The following GRAMD1B variants were observed in gnomAD, a reference collection of about 807,000 sequenced individuals.
GRAMD1B encodes GRAM domain containing 1B, also known as protein Aster-B.
In GRAMD1B, 37 loss-of-function variants were observed where a neutral mutation model predicts 99.7. That is an observed-to-expected ratio of 0.37 (90% CI 0.29 to 0.49). The LOEUF (loss-of-function observed/expected upper bound fraction) is 0.49. GRAMD1B is among the 20% of genes least tolerant of loss of function. The pLI is 0.98. For synonymous variants in GRAMD1B, 427 were observed against 387.6 expected, an observed-to-expected ratio of 1.10 and a Z score of -1.19; for missense variants, 888 against 1,009.2, an observed-to-expected ratio of 0.88 and a Z score of 1.63.
At position 123,372,837 on chromosome 11, in the gene GRAMD1B, G is replaced by A. The variant is rs570081250; in HGVS notation, c.-176+14038G>A. ...TCTCTGTTAACAGGCAGAGATTTGT[G>A]TTAATAATTGAGAGCTCTCTGGCTG... is the stretch of plus-strand genomic sequence containing the variant. On this transcript the variant is annotated intron_variant, in intron 1 of 20. Coordinates refer to the GRAMD1B transcript ENST00000638157. 2.7e-3 allele frequency among the ~76,000 whole-genome samples: 415 copies of A among 152,270 alleles called. 3 individuals carry two copies. Among genetic ancestry groups the A allele is most frequent in the African/African-American group, 9.6e-3 (397 of 41,564 alleles).
chr11:123,417,022 A>G (rs536314542), intron 1 of GRAMD1B, among the ~76,000 whole-genome samples: 1 of 152,360 alleles, frequency 6.6e-6, no homozygotes, highest in African/African-American at 2.4e-5. Context: ...TGGGAGACGA[A>G]GTAACTATCA....
At chr11:123,464,809 C>T (rs776092487) in intron 1 of GRAMD1B, among the ~76,000 whole-genome samples, 2 of 152,004 alleles carry the variant, frequency 1.3e-5, no homozygotes, top group African/African-American at 2.4e-5. Flanking sequence ...AGTGATAGAT[C>T]GAAGGTAGGG....
chr11:123,555,375 G>T (rs1211891607), intron 2 of GRAMD1B, among the ~76,000 whole-genome samples: 1 of 152,164 alleles, frequency 6.6e-6, no homozygotes, highest in East Asian at 1.9e-4. Context: ...TTGAGACAGA[G>T]TCTCACTCTG....
chr11:123,524,328 A>G (rs1942481049), intron 2 of GRAMD1B, among the ~76,000 whole-genome samples: 1 of 145,632 alleles, frequency 6.9e-6, no homozygotes, highest in African/African-American at 2.7e-5. Context: ...TTTTTATTTT[A>G]TTTTATTTTA....
intron 1 of GRAMD1B, among the ~76,000 whole-genome samples, chr11:123,368,541 G>A (rs1415797144): frequency 2.0e-5 from 3 of 151,652 alleles, no homozygotes; most frequent in Non-Finnish European, 2.9e-5. Flanking sequence ...TTAGCTGGAC[G>A]TTGTGGTGTG....
chr11:123,436,555 A>C (rs1441893726), intron 1 of GRAMD1B, among the ~76,000 whole-genome samples: 8 of 152,204 alleles, frequency 5.3e-5, no homozygotes, highest in African/African-American at 1.9e-4. Flanking sequence ...GGCAAAGTGA[A>C]GTCAATTCAA....
At chr11:123,371,502 G>A (rs749964238) in intron 1 of GRAMD1B, among the ~76,000 whole-genome samples, 21 of 152,118 alleles carry the variant, frequency 1.4e-4, no homozygotes, top group Admixed American at 9.2e-4. Flanking sequence ...CCAGAGGACA[G>A]TTCCTATCTC....
chr11:123,464,984 C>T (rs1456457721), intron 1 of GRAMD1B, among the ~76,000 whole-genome samples: 2 of 151,910 alleles, frequency 1.3e-5, no homozygotes, highest in Non-Finnish European at 2.9e-5. Context: ...ACAGGCTGTG[C>T]GATGAGCCTA....
At position 123,360,041 on chromosome 11, in the gene GRAMD1B, T is replaced by C. The variant is rs568322451; in HGVS notation, c.-176+1242T>C. Among the ~76,000 whole-genome samples, 3 of 152,322 alleles carry C rather than the reference T, an allele frequency of 2.0e-5. No homozygotes were observed. In the South Asian group the frequency reaches 6.2e-4, roughly 32 times the overall value. On this transcript the variant is annotated intron_variant, in intron 1 of 20. Coordinates refer to the GRAMD1B transcript ENST00000638157. ...AATAGTAGAAATAGGCTGAAAATGC[T>C]ACATTTCTACACACTACCCCAAGGT... is the stretch of plus-strand genomic sequence containing the variant.
intron 3 of GRAMD1B, among the ~76,000 whole-genome samples, chr11:123,577,854 G>T (rs548762310): frequency 2.6e-5 from 4 of 152,112 alleles, no homozygotes; most frequent in African/African-American, 9.6e-5. Flanking sequence ...GAATCATTAG[G>T]GGGTCATCTG....
chr11:123,462,455 C>T (rs1021754513), intron 1 of GRAMD1B, among the ~76,000 whole-genome samples: 8 of 152,272 alleles, frequency 5.3e-5, no homozygotes, highest in South Asian at 4.1e-4. Context: ...AAAGCAGAGA[C>T]GGCTGACACT....
chr11:123,578,479 C>G, intron 3 of GRAMD1B: 1 of 1,338,100 alleles, frequency 7.5e-7, no homozygotes, highest in East Asian at 2.5e-5. Flanking sequence ...TAGTGTCGAT[C>G]TGTCTGTAGT....
intron 2 of GRAMD1B, among the ~76,000 whole-genome samples, chr11:123,503,497 G>A (rs1448367448): frequency 2.6e-5 from 4 of 151,772 alleles, no homozygotes; most frequent in South Asian, 2.1e-4. Flanking sequence ...TTTAGTTAAC[G>A]TTGATTGAAT....
intron 1 of GRAMD1B, among the ~76,000 whole-genome samples, chr11:123,455,905 C>T (rs766543158): frequency 1.3e-5 from 2 of 152,140 alleles, no homozygotes; most frequent in Non-Finnish European, 2.9e-5. Context: ...TGGGGTGGCT[C>T]GCTCCTGTAG....
intron 2 of GRAMD1B, among the ~76,000 whole-genome samples, chr11:123,527,147 C>G (rs981668760): frequency 1.3e-5 from 2 of 152,128 alleles, no homozygotes; most frequent in Non-Finnish European, 2.9e-5. Context: ...AAGGATGAGT[C>G]CTGCCTTCAT....
At chr11:123,460,416 C>T (rs1565517194) in intron 1 of GRAMD1B, 1 of 152,020 alleles carries the variant, frequency 6.6e-6, no homozygotes, top group Non-Finnish European at 1.5e-5. Context: ...CAGTGGGTTC[C>T]GGGACTGAAC....
chr11:123,494,384 G>A (rs192184675), intron 2 of GRAMD1B, among the ~76,000 whole-genome samples: 1 of 150,986 alleles, frequency 6.6e-6, no homozygotes, highest in African/African-American at 2.4e-5. Context: ...ATGCTTAGGG[G>A]GTCACATGGT....
intron 2 of GRAMD1B, among the ~76,000 whole-genome samples, chr11:123,572,774 G>T (rs1398050990): frequency 6.6e-6 from 1 of 150,686 alleles, no homozygotes; most frequent in Non-Finnish European, 1.5e-5. Context: ...CAGAGGCGCA[G>T]GTAGGCCCCG....
chr11:123,521,493 C>G (rs994796159), intron 2 of GRAMD1B, among the ~76,000 whole-genome samples: 3 of 152,180 alleles, frequency 2.0e-5, no homozygotes, highest in Non-Finnish European at 2.9e-5. Flanking sequence ...TGTCTTTTCT[C>G]TCTATGATCT....
Sources: allele counts gnomAD v4.1 joint callset (sites outside exome capture counted in the v4.1 genomes callset), GRCh38; gene constraint gnomAD v4.1.1; transcripts MANE v1.5; gene names NCBI Gene and HGNC (gene_info 2026-07-23, HGNC 2026-07-21).